The following SLC9A9 variants were observed in gnomAD, a reference collection of about 807,000 sequenced individuals.
SLC9A9 encodes sodium/hydrogen exchanger 9.
In SLC9A9, 62 loss-of-function variants were observed where a neutral mutation model predicts 77.8. That is an observed-to-expected ratio of 0.80 (90% confidence interval 0.65 to 0.98). The LOEUF (loss-of-function observed/expected upper bound fraction) is 0.98. SLC9A9 is among the 50% of genes least tolerant of loss of function. SLC9A9 has a pLI of 0.00. For synonymous variants in SLC9A9, 320 were observed against 283.5 expected (o/e 1.13, Z -1.29); for missense variants, 775 against 774.9 (o/e 1.00, Z 0.00).
chr3:143,740,895 C>T (rs185079978), intron 4 of SLC9A9, among the ~76,000 whole-genome samples: 96 of 152,158 alleles, frequency 6.3e-4, no homozygotes, highest in Middle Eastern at 3.4e-3. Context: ...TGGAGTTAAA[C>T]AATTAAGTAA....
chr3:143,296,077 A>C (rs1224819563), intron 14 of SLC9A9, among the ~76,000 whole-genome samples: 1 of 152,232 alleles, frequency 6.6e-6, no homozygotes, highest in Non-Finnish European at 1.5e-5. Context: ...AAGGATTCTT[A>C]ACAGGAGGCC....
intron 14 of SLC9A9, among the ~76,000 whole-genome samples, chr3:143,293,928 G>A (rs1162903384): frequency 3.9e-5 from 6 of 151,956 alleles, no homozygotes; most frequent in Non-Finnish European, 8.8e-5. Flanking sequence ...AGGAACCAGC[G>A]TTAAAAAAAT....
intron 2 of SLC9A9, among the ~76,000 whole-genome samples, chr3:143,804,100 A>T (rs1278287973): frequency 6.6e-6 from 1 of 152,170 alleles, no homozygotes; most frequent in African/African-American, 2.4e-5. Context: ...TCCCCTGGGT[A>T]ACCTTTCACC....
At chr3:143,350,920 G>C (rs114650988) in intron 14 of SLC9A9, among the ~76,000 whole-genome samples, 1 of 152,054 alleles carries the variant, frequency 6.6e-6, no homozygotes, top group Non-Finnish European at 1.5e-5. Flanking sequence ...AGTTCAGCTC[G>C]AATCTACCAA....
At chr3:143,286,135 T>G (rs1938375018) in intron 14 of SLC9A9, among the ~76,000 whole-genome samples, 1 of 152,182 alleles carries the variant, frequency 6.6e-6, no homozygotes, top group African/African-American at 2.4e-5. Context: ...GCTGGGAAAT[T>G]TTCATATTCC....
chr3:143,785,568 G>A (rs1193741059), intron 4 of SLC9A9, among the ~76,000 whole-genome samples: 1 of 152,200 alleles, frequency 6.6e-6, no homozygotes, highest in Non-Finnish European at 1.5e-5. Flanking sequence ...ACAGAATTGT[G>A]AGCTATTAAA....
At chr3:143,383,022 T>G (rs10446278) in intron 12 of SLC9A9, among the ~76,000 whole-genome samples, 1 of 152,098 alleles carries the variant, frequency 6.6e-6, no homozygotes, top group African/African-American at 2.4e-5. Context: ...TTTCTGATAA[T>G]TTTTATTTTA....
chr3:143,815,291 C>T (rs1052439869), intron 2 of SLC9A9, among the ~76,000 whole-genome samples: 2 of 151,982 alleles, frequency 1.3e-5, no homozygotes, highest in African/African-American at 4.8e-5. Flanking sequence ...AGGTGTTTAC[C>T]AAAGAGCCCT....
chr3:143,655,508 T>C, intron 5 of SLC9A9: 1 of 985,430 alleles, frequency 1.0e-6, no homozygotes, highest in Non-Finnish European at 1.2e-6. Context: ...GTTCCACTCA[T>C]CTTTTAGTGG....
chr3:143,317,116 A>C (rs2108442450), intron 14 of SLC9A9, among the ~76,000 whole-genome samples: 1 of 152,306 alleles, frequency 6.6e-6, no homozygotes, highest in African/African-American at 2.4e-5. Flanking sequence ...CCTCCAAGAG[A>C]AAAACAAATG....
At chr3:143,626,876 C>CTT (rs61283423) in intron 6 of SLC9A9, 3 of 144,982 alleles carry the variant, frequency 2.1e-5, no homozygotes, top group Admixed American at 6.9e-5. Context: ...GCACTAGCTC[C>CTT]TTTTTTTTTT....
chr3:143,317,061 C>T (rs1384584439), intron 14 of SLC9A9, among the ~76,000 whole-genome samples: 1 of 152,132 alleles, frequency 6.6e-6, no homozygotes, highest in Non-Finnish European at 1.5e-5. Flanking sequence ...ACTCAATAAT[C>T]GTTGACCATG....
At chr3:143,720,761 T>C (rs565699773) in intron 4 of SLC9A9, among the ~76,000 whole-genome samples, 28 of 152,292 alleles carry the variant, frequency 1.8e-4, no homozygotes, top group South Asian at 8.3e-4. Context: ...GCTGAAACAA[T>C]GGACAGAGTG....
Position 143,764,723 on chromosome 3 carries a change from T to TTTTA in SLC9A9, c.533+30274_533+30277dup, listed in dbSNP as rs554222501. Among the ~76,000 whole-genome samples, 31 of 152,158 alleles carry TTTTA rather than the reference T, an allele frequency of 2.0e-4. No individual in the cohort carries two copies. In the South Asian group the frequency reaches 3.1e-3, roughly 15 times the overall value. On this transcript the variant is annotated intron_variant, in intron 4 of 15. Transcript: ENST00000316549. ...CATCATGCACTACCATACCCAACTATTTTATTTATTTATTTATTTATCTAT... is the reference window on the plus strand; with the variant it reads ...CATCATGCACTACCATACCCAACTATTTTATTTATTTATTTATTTATTTATCTAT...
rs1318521712 is a variant in SLC9A9 at position 143,693,269 on chromosome 3, G to A, written c.572C>T (p.Ala191Val). The change falls in exon 5 of 16, where the codon GCT (alanine) becomes GTT (valine). Residue 191 changes from alanine (A) to valine (V), a missense_variant. Ala to Val is a moderately conservative substitution (Grantham distance 64). Transcript: ENST00000316549. ...AAAGTCTCCATTTTTCAGCTGGCCAGCATGTATCATAGCCTTCACAAAACC... is the reference window on the plus strand; with the variant it reads ...AAAGTCTCCATTTTTCAGCTGGCCAACATGTATCATAGCCTTCACAAAACC... ...MYGFVKAMIH[A>V]GQLKNGDFHF... 13 of 1,613,234 alleles carry A rather than the reference G, an allele frequency of 8.1e-6. No homozygotes were observed. Among genetic ancestry groups the A allele is most frequent in the African/African-American group, 1.3e-5 (1 of 74,872 alleles).
intron 4 of SLC9A9, among the ~76,000 whole-genome samples, chr3:143,752,342 C>T (rs1207310748): frequency 6.6e-6 from 1 of 152,212 alleles, no homozygotes; most frequent in Non-Finnish European, 1.5e-5. Context: ...GTATTAGCCA[C>T]AGGCAGCCTA....
At chr3:143,832,464 A>G (rs940911668) in intron 1 of SLC9A9, among the ~76,000 whole-genome samples, 1 of 152,038 alleles carries the variant, frequency 6.6e-6, no homozygotes, top group Non-Finnish European at 1.5e-5. Flanking sequence ...TCCCTAGTGG[A>G]CCTACTAATT....
intron 14 of SLC9A9, among the ~76,000 whole-genome samples, chr3:143,342,549 C>G (rs943850431): frequency 1.3e-5 from 2 of 152,132 alleles, no homozygotes; most frequent in African/African-American, 4.8e-5. Context: ...TTAAACACCC[C>G]ACCCAATGCC....
At chr3:143,284,398 C>T (rs900233256) in intron 14 of SLC9A9, among the ~76,000 whole-genome samples, 14 of 149,932 alleles carry the variant, frequency 9.3e-5, no homozygotes, top group African/African-American at 3.4e-4. Context: ...GGATTTGGCC[C>T]TTTCTATTTT....
Sources: gnomAD v4.1 joint callset for allele counts (sites outside exome capture counted in the v4.1 genomes callset) on GRCh38, gnomAD v4.1.1 for gene constraint, MANE v1.5 for transcripts, NCBI Gene and HGNC (gene_info 2026-07-23, HGNC 2026-07-21) for gene names.